GPR149: variants seen among roughly 807,000 people sequenced by gnomAD.
GPR149 encodes probable G protein-coupled receptor 149.
Under a neutral mutation model 50.2 loss-of-function variants are expected in GPR149, and 50 were observed. The observed-to-expected ratio is 1.00, with a 90% CI of 0.79 to 1.26. The LOEUF is 1.26. Among genes scored for constraint, GPR149 ranks in the 50% most tolerant of loss-of-function variants. The pLI is 0.00. For synonymous variants in GPR149, 405 were observed against 358.2 expected, an observed-to-expected ratio of 1.13 and a Z score of -1.48; for missense variants, 983 against 895.4, an observed-to-expected ratio of 1.10 and a Z score of -1.25.
intron 3 of GPR149, chr3:154,354,032 CA>C: frequency 2.2e-6 from 1 of 446,360 alleles, no homozygotes; most frequent in Non-Finnish European, 4.3e-6. Flanking sequence ...TCATATTCAT[CA>C]ATATTTCCAT....
chr3:154,362,896 A>G (rs567314930), intron 3 of GPR149, among the ~76,000 whole-genome samples: 2 of 152,190 alleles, frequency 1.3e-5, no homozygotes, highest in African/African-American at 4.8e-5. Context: ...TTAAGGATTC[A>G]GTGCAGAAAT....
chr3:154,429,258 T>A lies in GPR149; in HGVS notation c.358A>T (p.Asn120Tyr), dbSNP rs1559993907. 3.1e-6 allele frequency: 5 copies of A among 1,614,182 alleles called. No homozygotes were observed. Among genetic ancestry groups the A allele is most frequent in the Non-Finnish European group, 2.5e-6 (3 of 1,180,038 alleles). Residue 120 changes from asparagine (N) to tyrosine (Y), a missense_variant, in exon 1 of 4, where the codon AAC becomes TAC. Physicochemically the swap from Asn to Tyr is moderately radical, Grantham distance 143 (BLOSUM62 -2). Coordinates refer to ENST00000389740, the MANE Select transcript of GPR149 (RefSeq NM_001038705.3). ...GAGACTAGGAGAGTCGCCTTCAAGT[T>A]GCTAGAGAGGCCCTGGCATAAATAC... is the stretch of plus-strand genomic sequence containing the variant. ...LMYLCQGLSSNLKATLLVSYN... is the reference protein window; with the variant it reads ...LMYLCQGLSSYLKATLLVSYN...
intron 3 of GPR149, among the ~76,000 whole-genome samples, chr3:154,401,012 T>C (rs2108418125): frequency 6.6e-6 from 1 of 152,384 alleles, no homozygotes; most frequent in Non-Finnish European, 1.5e-5. Context: ...ACGAATGCGT[T>C]TGAGTCCTGG....
At position 154,379,322 on chromosome 3, in the gene GPR149, C is replaced by T. The variant is rs149472212; in HGVS notation, c.1624-41051G>A. On this transcript the variant is annotated intron_variant, in intron 3 of 3. Transcript: ENST00000389740. ...GGTTTTTTTTTTTTCCAGTTTATGG[C>T]TTATCTATTCATTTTCTTAATGATG... Among the ~76,000 whole-genome samples the T allele has an allele frequency of 1.1e-3, 172 of 150,288 alleles. 1 individual carries two copies. The highest frequency in any genetic ancestry group is 4.2e-3 in the African/African-American group (169 of 40,672).
chr3:154,428,351 G>T (rs1429180842), intron 1 of GPR149, among the ~76,000 whole-genome samples: 18 of 152,122 alleles, frequency 1.2e-4, no homozygotes, highest in Non-Finnish European at 2.2e-4. Flanking sequence ...CAATATCCTT[G>T]GCCACCACCG....
At chr3:154,385,302 G>T (rs908711879) in intron 3 of GPR149, among the ~76,000 whole-genome samples, 1 of 152,208 alleles carries the variant, frequency 6.6e-6, no homozygotes, top group Admixed American at 6.5e-5. Flanking sequence ...GGAAAATTTA[G>T]AGCGGGCTTT....
chr3:154,403,496 T>C (rs1711599703), intron 3 of GPR149, among the ~76,000 whole-genome samples: 1 of 152,194 alleles, frequency 6.6e-6, no homozygotes. Context: ...CTTTTTTAGT[T>C]AGAGGTAGAA....
At chr3:154,360,875 C>G (rs1714362729) in intron 3 of GPR149, among the ~76,000 whole-genome samples, 1 of 152,068 alleles carries the variant, frequency 6.6e-6, no homozygotes, top group Admixed American at 6.5e-5. Flanking sequence ...TTATTAAAAA[C>G]AATAAAGTAA....
intron 3 of GPR149, among the ~76,000 whole-genome samples, chr3:154,396,041 T>C (rs895446726): frequency 6.6e-6 from 1 of 152,206 alleles, no homozygotes; most frequent in Non-Finnish European, 1.5e-5. Flanking sequence ...AGATTCTCAT[T>C]GGAACATTTT....
chr3:154,415,156 A>G (rs1318976169), intron 3 of GPR149, among the ~76,000 whole-genome samples: 4 of 151,872 alleles, frequency 2.6e-5, no homozygotes, highest in Non-Finnish European at 4.4e-5. Context: ...AACCAAGAAG[A>G]GATTTAAGCC....
In GPR149 at chr3:154,428,819, C is replaced by A; in HGVS notation, c.797G>T (p.Gly266Val). ...APGPSLRRSG[G>V]CSPSSDTVFG... ...CACGGTGTCGGAGCTCGGAGAGCAT[C>A]CCCCAGAGCGCCGCAGACTCGGGCC... is the stretch of plus-strand genomic sequence containing the variant. Residue 266 changes from glycine to valine, a missense_variant, in exon 1 of 4, where the codon GGA becomes GTA. Transcript: ENST00000389740. 6.2e-7 allele frequency: 1 copy of A among 1,613,810 alleles called. No individual in the cohort carries two copies. The highest frequency in any genetic ancestry group is 8.5e-7 in the Non-Finnish European group (1 of 1,179,958).
intron 3 of GPR149, among the ~76,000 whole-genome samples, chr3:154,340,766 G>A (rs1576895839): frequency 6.6e-6 from 1 of 152,208 alleles, no homozygotes; most frequent in East Asian, 1.9e-4. Flanking sequence ...CTGTTACCCA[G>A]GCTGGAGCGC....
chr3:154,340,209 T>G (rs551969874), intron 3 of GPR149, among the ~76,000 whole-genome samples: 2 of 152,258 alleles, frequency 1.3e-5, no homozygotes, highest in East Asian at 3.9e-4. Context: ...TCTTTACTCA[T>G]AAGGAGACCT....
At chr3:154,403,323 A>C (rs1559986157) in intron 3 of GPR149, among the ~76,000 whole-genome samples, 1 of 152,152 alleles carries the variant, frequency 6.6e-6, no homozygotes, top group East Asian at 1.9e-4. Flanking sequence ...GATAAGACAT[A>C]ATTGGGTCCA....
At chr3:154,342,903 G>A (rs1327786343) in intron 3 of GPR149, among the ~76,000 whole-genome samples, 1 of 152,112 alleles carries the variant, frequency 6.6e-6, no homozygotes, top group East Asian at 1.9e-4. Flanking sequence ...TCTGTGAGTC[G>A]GTTCCTCCAA....
At chr3:154,378,386 A>G (rs1714843441) in intron 3 of GPR149, among the ~76,000 whole-genome samples, 1 of 152,100 alleles carries the variant, frequency 6.6e-6, no homozygotes, top group Non-Finnish European at 1.5e-5. Context: ...AAGCCACCAC[A>G]CCGGAACTAT....
chr3:154,425,356 G>T (rs1479494169), intron 2 of GPR149, among the ~76,000 whole-genome samples: 1 of 151,974 alleles, frequency 6.6e-6, no homozygotes, highest in Non-Finnish European at 1.5e-5. Context: ...TGGACAAAAA[G>T]TTTAAACATA....
intron 3 of GPR149, among the ~76,000 whole-genome samples, chr3:154,370,101 G>A (rs553485808): frequency 2.6e-5 from 4 of 152,150 alleles, no homozygotes; most frequent in African/African-American, 9.7e-5. Context: ...AGGAAAAAGA[G>A]AAAAACCCCT....
At chr3:154,399,171 G>T (rs1031518126) in intron 3 of GPR149, among the ~76,000 whole-genome samples, 2 of 152,094 alleles carry the variant, frequency 1.3e-5, no homozygotes, top group African/African-American at 4.8e-5. Flanking sequence ...TCTGGAGGAG[G>T]TTGAGAACCA....
Sources: allele counts gnomAD v4.1 joint callset (sites outside exome capture counted in the v4.1 genomes callset), GRCh38; gene constraint gnomAD v4.1.1; transcripts MANE v1.5; gene names NCBI Gene and HGNC (gene_info 2026-07-23, HGNC 2026-07-21).